The following DNAH11 variants were observed in gnomAD, a reference collection of about 807,000 sequenced individuals.
DNAH11 encodes dynein axonemal heavy chain 11.
In DNAH11, 442 loss-of-function variants were observed where a neutral mutation model predicts 526.0. The observed-to-expected ratio is 0.84, with a 90% CI of 0.78 to 0.91. The LOEUF (loss-of-function observed/expected upper bound fraction) is 0.91, where lower values mean the gene tolerates loss of function less well. Ranked by LOEUF, DNAH11 falls within the 40% of genes least tolerant of loss-of-function variation. DNAH11 has a pLI of 0.00. For synonymous variants in DNAH11, 2,461 were observed against 1,935.9 expected (o/e 1.27, Z -7.12); for missense variants, 6,989 against 5,448.7 (o/e 1.28, Z -8.90).
At chr7:21,666,120 G>C (rs1356800844) in intron 30 of DNAH11, among the ~76,000 whole-genome samples, 1 of 151,810 alleles carries the variant, frequency 6.6e-6, no homozygotes, top group African/African-American at 2.4e-5. Context: ...CCTTTCCTTG[G>C]TTATCCCAAA....
intron 28 of DNAH11, among the ~76,000 whole-genome samples, chr7:21,650,194 T>C (rs1787562487): frequency 6.6e-6 from 1 of 152,196 alleles, no homozygotes; most frequent in Non-Finnish European, 1.5e-5. Flanking sequence ...ATCAACCTTA[T>C]ATGCACTGAT....
At chr7:21,713,987 C>T (rs1019352363) in intron 42 of DNAH11, among the ~76,000 whole-genome samples, 1 of 152,152 alleles carries the variant, frequency 6.6e-6, no homozygotes, top group South Asian at 2.1e-4. Flanking sequence ...ACAGAGAACC[C>T]AGGCACCACA....
At chr7:21,619,302 T>G in intron 24 of DNAH11, 80 bp downstream of exon 24, 1 of 1,505,644 alleles carries the variant, frequency 6.6e-7, no homozygotes, top group Non-Finnish European at 8.9e-7. Context: ...GAAAAGTCCT[T>G]TTGATGTCCT....
At chr7:21,692,114 A>G (rs1234106992) in intron 35 of DNAH11, among the ~76,000 whole-genome samples, 1 of 152,166 alleles carries the variant, frequency 6.6e-6, no homozygotes, top group African/African-American at 2.4e-5. Flanking sequence ...TTTTCCAGAA[A>G]ACTCTGTATT....
chr7:21,710,225 C>T (rs1258895688), intron 40 of DNAH11, among the ~76,000 whole-genome samples: 3 of 152,290 alleles, frequency 2.0e-5, no homozygotes, highest in South Asian at 4.2e-4. Context: ...AGGATCATGT[C>T]TTCAGTTGGT....
chr7:21,696,513 A>G (rs1361929339), intron 35 of DNAH11, among the ~76,000 whole-genome samples: 1 of 152,200 alleles, frequency 6.6e-6, no homozygotes, highest in Admixed American at 6.5e-5. Context: ...AATCAATGTA[A>G]TAACTACAGA....
In DNAH11 at chr7:21,620,137, T is replaced by G. The variant is rs1407048746; in HGVS notation, c.4500+59T>G. On this transcript the variant is annotated intron_variant, in intron 25 of 81. Coordinates refer to ENST00000409508, the MANE Select transcript of DNAH11 (RefSeq NM_001277115.2). The stretch of plus-strand genomic sequence containing the variant: ...ATTTTATTTTTATTTGACAAATAAT[T>G]GTATATATAGGGTACCATGTGATGT... 5.2e-6 allele frequency: 7 copies of G among 1,335,470 alleles called. No homozygotes were observed. In the Admixed American group the frequency reaches 1.9e-4, roughly 36 times the overall value. The allele number at this position is 1,335,470 out of a possible 1,614,324, so 82.7% of individuals were successfully genotyped here. A position where few individuals can be genotyped will look rare whatever the true frequency, so the allele number is the denominator to read the frequency against.
intron 34 of DNAH11, 33 bp downstream of exon 34, chr7:21,687,560 A>G (rs566107984): frequency 6.9e-6 from 11 of 1,602,320 alleles, no homozygotes; most frequent in African/African-American, 5.3e-5. Context: ...CTTGTTACAA[A>G]TAGAAAAACA....
intron 6 of DNAH11, among the ~76,000 whole-genome samples, chr7:21,564,916 A>G (rs1040334374): frequency 6.6e-6 from 1 of 152,174 alleles, no homozygotes; most frequent in African/African-American, 2.4e-5. Flanking sequence ...AAAAAATTTA[A>G]AAAAAGGACC....
At chr7:21,726,904 A>G (rs1785137863) in intron 45 of DNAH11, among the ~76,000 whole-genome samples, 1 of 125,862 alleles carries the variant, frequency 7.9e-6, no homozygotes, top group Non-Finnish European at 1.6e-5. Flanking sequence ...ATGCTTAGTG[A>G]GATGTCTGTT....
At chr7:21,598,174 CAATCAGCTCTTATTCCAGTGTCACCTTAT>C (rs1183390420) in intron 14 of DNAH11, among the ~76,000 whole-genome samples, 1 of 152,190 alleles carries the variant, frequency 6.6e-6, no homozygotes, top group Non-Finnish European at 1.5e-5. Flanking sequence ...GTCCACCTTA[CAATCAGCTCTTATTCCAGTGTCACCTTAT>C]AATCAGCTCT....
chr7:21,886,002 T>G (rs1220654828), intron 76 of DNAH11, among the ~76,000 whole-genome samples: 1 of 152,178 alleles, frequency 6.6e-6, no homozygotes, highest in African/African-American at 2.4e-5. Flanking sequence ...TCTCTCTCCC[T>G]CATGGCATCC....
intron 65 of DNAH11, among the ~76,000 whole-genome samples, chr7:21,842,282 G>C (rs1020351152): frequency 6.6e-6 from 1 of 152,138 alleles, no homozygotes; most frequent in African/African-American, 2.4e-5. Context: ...TTATATGATT[G>C]TATTTAATTG....
chr7:21,828,533 T>C (rs1447816576), intron 65 of DNAH11, among the ~76,000 whole-genome samples: 1 of 152,198 alleles, frequency 6.6e-6, no homozygotes, highest in Admixed American at 6.5e-5. Flanking sequence ...AATAGTTGTT[T>C]GACTTTATCT....
chr7:21,714,141 T>C (rs1191901631), intron 42 of DNAH11, among the ~76,000 whole-genome samples: 1 of 152,180 alleles, frequency 6.6e-6, no homozygotes, highest in Non-Finnish European at 1.5e-5. Context: ...AACAAAAGCT[T>C]GGTCCAAATC....
At chr7:21,807,450 G>GA (rs1789314431) in intron 62 of DNAH11, among the ~76,000 whole-genome samples, 1 of 152,212 alleles carries the variant, frequency 6.6e-6, no homozygotes, top group Admixed American at 6.5e-5. Flanking sequence ...AATGAGCCAA[G>GA]ATGGTGCTAT....
chr7:21,632,072 C>T (rs1412874395), intron 25 of DNAH11, among the ~76,000 whole-genome samples: 1 of 152,184 alleles, frequency 6.6e-6, no homozygotes, highest in Non-Finnish European at 1.5e-5. Flanking sequence ...GACTCAACAC[C>T]ACATGGAAGC....
chr7:21,573,290 CT>C (rs61238702), intron 8 of DNAH11, among the ~76,000 whole-genome samples: 16,075 of 152,028 alleles, frequency 0.11, 1,604 homozygotes, highest in East Asian at 0.29. Context: ...TTTTGGAAGC[CT>C]ATTCTATTTT....
At chr7:21,899,497 A>C in intron 80 of DNAH11, 49 bp downstream of exon 80, 1 of 1,424,162 alleles carries the variant, frequency 7.0e-7, no homozygotes, top group Non-Finnish European at 9.7e-7. Flanking sequence ...ACCACAGCCT[A>C]ACCAGAAGCC....
Sources: gnomAD v4.1 joint callset for allele counts (sites outside exome capture counted in the v4.1 genomes callset) on GRCh38, gnomAD v4.1.1 for gene constraint, MANE v1.5 for transcripts, NCBI Gene and HGNC (gene_info 2026-07-23, HGNC 2026-07-21) for gene names.